Variants in CFH observed in about 807,000 individuals in gnomAD.
CFH encodes the protein complement factor H, also known as H factor 1 (complement).
A neutral mutation model predicts 147.3 loss-of-function variants in CFH; 53 were observed. That is an observed-to-expected ratio of 0.36 (90% CI 0.29 to 0.45). The LOEUF is 0.45. CFH is among the 20% of genes least tolerant of loss of function. The probability of loss-of-function intolerance (pLI) is 1.00; values close to 1 mark genes in which losing one functional copy is unlikely to be tolerated. For missense variants in CFH, 1,380 were observed against 1,498.0 expected (o/e 0.92, Z 1.30); for synonymous variants, 536 against 489.4 (o/e 1.10, Z -1.26).
chr1:196,739,999 A>G (rs1183691258), intron 17 of CFH, among the ~76,000 whole-genome samples: 1 of 152,202 alleles, frequency 6.6e-6, no homozygotes, highest in Non-Finnish European at 1.5e-5. Flanking sequence ...GATGACAGGA[A>G]GGAGAAGTGC....
At chr1:196,726,409 T>C in intron 12 of CFH, 61 bp from the exon 13 acceptor site, 2 of 1,302,578 alleles carry the variant, frequency 1.5e-6, no homozygotes, top group Admixed American at 1.9e-5. Context: ...TCCATTTTAC[T>C]GAATTTTTAT....
chr1:196,731,741 T>A (rs1669285049), intron 15 of CFH, among the ~76,000 whole-genome samples: 1 of 152,006 alleles, frequency 6.6e-6, no homozygotes, highest in African/African-American at 2.4e-5. Flanking sequence ...CTCCTTTGTT[T>A]TTAAGACAGA....
intron 15 of CFH, among the ~76,000 whole-genome samples, chr1:196,734,657 G>C: frequency 6.6e-6 from 1 of 152,192 alleles, no homozygotes; most frequent in South Asian, 2.1e-4. Flanking sequence ...CAGTGTGCCT[G>C]TGGGGGGAAG....
chr1:196,703,037 G>T (rs904889978), intron 9 of CFH, among the ~76,000 whole-genome samples: 1 of 152,210 alleles, frequency 6.6e-6, no homozygotes, highest in Non-Finnish European at 1.5e-5. Context: ...GTTACAAAAC[G>T]TAGCTGAGGC....
chr1:196,724,894 AT>A (rs1253196344), intron 11 of CFH, among the ~76,000 whole-genome samples: 2 of 152,178 alleles, frequency 1.3e-5, no homozygotes, highest in African/African-American at 4.8e-5. Context: ...TTACAAATTA[AT>A]TTTTAGAACA....
chr1:196,707,640 T>C (rs1164357135), intron 9 of CFH, among the ~76,000 whole-genome samples: 1 of 152,196 alleles, frequency 6.6e-6, no homozygotes, highest in Non-Finnish European at 1.5e-5. Flanking sequence ...CCCCGCCAGA[T>C]TCTTGTCCTA....
chr1:196,743,257 A>G (rs1277004422), intron 19 of CFH, among the ~76,000 whole-genome samples, 195 bp from the exon 20 acceptor site: 1 of 152,234 alleles, frequency 6.6e-6, no homozygotes, highest in Non-Finnish European at 1.5e-5. Flanking sequence ...TAAAACATCA[A>G]CGCTTGTACC....
chr1:196,707,616 C>A (rs1046826063), intron 9 of CFH, among the ~76,000 whole-genome samples: 1 of 152,126 alleles, frequency 6.6e-6, no homozygotes, highest in Non-Finnish European at 1.5e-5. Context: ...TTCACCACAG[C>A]CATATAAAAC....
chr1:196,745,680 T>G, intron 20 of CFH, 137 bp from the exon 21 acceptor site: 1 of 1,209,172 alleles, frequency 8.3e-7, no homozygotes, highest in Non-Finnish European at 1.2e-6. Flanking sequence ...TAAAATTTCT[T>G]CCAGGACTCA....
intron 9 of CFH, chr1:196,690,537 G>A: frequency 2.3e-6 from 1 of 437,784 alleles, no homozygotes; most frequent in Non-Finnish European, 4.2e-6. Flanking sequence ...CATTGTCTGG[G>A]TAAATATCTG....
Position 196,715,641 on chromosome 1 carries a change from T to G in CFH, c.1568T>G (p.Phe523Cys), listed in dbSNP as rs1668852502. Residue 523 changes from phenylalanine to cysteine, a missense_variant, in exon 11 of 22, where the codon TTC (phenylalanine) becomes TGC (cysteine). By Grantham distance (205) the Phe-to-Cys change is radical. Transcript: ENST00000367429. The part of the protein sequence containing the change: ...VFMNARTKND[F>C]TWFKLNDTLD... ...ATGAATGCCAGAACTAAAAATGACT[T>G]CACATGGTTTAAGCTGAATGACACA... 6.2e-7 allele frequency: 1 copy of G among 1,612,684 alleles called. No homozygotes were observed. Among genetic ancestry groups the G allele is most frequent in the Non-Finnish European group, 8.5e-7 (1 of 1,179,190 alleles).
intron 1 of CFH, among the ~76,000 whole-genome samples, chr1:196,659,557 T>G (rs1312597022): frequency 6.6e-6 from 1 of 152,194 alleles, no homozygotes; most frequent in Non-Finnish European, 1.5e-5. Context: ...TCAGAGGCAG[T>G]TCTGCACTCA....
intron 11 of CFH, among the ~76,000 whole-genome samples, chr1:196,717,859 A>C (rs1056503416): frequency 1.5e-4 from 23 of 152,048 alleles, no homozygotes; most frequent in African/African-American, 4.8e-4. Flanking sequence ...ACCTTGTGAC[A>C]GGTGGCAACA....
At chr1:196,700,791 C>A in intron 9 of CFH, 3 of 985,118 alleles carry the variant, frequency 3.0e-6, no homozygotes, top group Non-Finnish European at 1.2e-6. Context: ...TTATGATGAA[C>A]TAAGGGCCTT....
intron 11 of CFH, among the ~76,000 whole-genome samples, chr1:196,720,488 A>G (rs2149105943): frequency 6.6e-6 from 1 of 152,050 alleles, no homozygotes; most frequent in South Asian, 2.1e-4. Flanking sequence ...CTCTCTGTCC[A>G]TATGTACGCA....
At chr1:196,658,223 TA>T (rs34163718) in intron 1 of CFH, among the ~76,000 whole-genome samples, 4 of 150,470 alleles carry the variant, frequency 2.7e-5, no homozygotes, top group East Asian at 1.9e-4. Flanking sequence ...ATTCATGGGC[TA>T]AAAAAAAACT....
Position 196,745,863 on chromosome 1 carries a change from C to A in CFH, c.3357C>A (p.Asp1119Glu). 6.2e-7 allele frequency: 1 copy of A among 1,614,118 alleles called. No homozygotes were observed. Among genetic ancestry groups the A allele is most frequent in the Non-Finnish European group, 8.5e-7 (1 of 1,180,024 alleles). The change falls in exon 21 of 22, where the codon GAC becomes GAA. Residue 1119 changes from aspartate to glutamate, a missense_variant. Transcript: ENST00000367429. ...CCCCTCCACCTATTGACAATGGGGA[C>A]ATTACTTCATTCCCGTTGTCAGTAT... ...CGPPPPIDNG[D>E]ITSFPLSVYA...
At chr1:196,721,374 A>T (rs948354473) in intron 11 of CFH, among the ~76,000 whole-genome samples, 4 of 151,942 alleles carry the variant, frequency 2.6e-5, no homozygotes, top group Non-Finnish European at 5.9e-5. Context: ...ATTCTTTATG[A>T]TATTGATTTA....
chr1:196,740,313 G>A (rs193067702), intron 17 of CFH, among the ~76,000 whole-genome samples: 18 of 152,082 alleles, frequency 1.2e-4, no homozygotes, highest in African/African-American at 3.1e-4. Context: ...ACCTGGAATC[G>A]TTAACTCTCA....
Sources: allele counts gnomAD v4.1 joint callset (sites outside exome capture counted in the v4.1 genomes callset), GRCh38; gene constraint gnomAD v4.1.1; transcripts MANE v1.5; gene names NCBI Gene and HGNC (gene_info 2026-07-23, HGNC 2026-07-21).